TENM1: variants seen among roughly 807,000 people sequenced by gnomAD.
TENM1 encodes the protein teneurin-1.
TENM1 carries 35 observed loss-of-function variants against 174.8 expected under a neutral mutation model. The observed-to-expected ratio is 0.20, with a 90% confidence interval of 0.15 to 0.27. The LOEUF (loss-of-function observed/expected upper bound fraction) is 0.27, where lower values mean the gene tolerates loss of function less well. Among genes scored for constraint, TENM1 ranks in the 10% least tolerant of loss-of-function variants. TENM1 has a pLI of 1.00. For missense variants in TENM1, 1,633 were observed against 2,130.1 expected (o/e 0.77, Z 4.59); for synonymous variants, 781 against 798.7 (o/e 0.98, Z 0.37).
chrX:124,721,297 C>G (rs1382726052), intron 4 of TENM1, among the ~76,000 whole-genome samples: 1 of 111,566 alleles, frequency 9.0e-6, no homozygotes, highest in Non-Finnish European at 1.9e-5. Context: ...ACCTAGAACA[C>G]TTTACAATAA....
chrX:124,633,600 C>A (rs925005796), intron 11 of TENM1, among the ~76,000 whole-genome samples: 3 of 108,829 alleles, frequency 2.8e-5, no homozygotes, highest in Non-Finnish European at 3.8e-5. Flanking sequence ...TCTTAAATTA[C>A]TATATATATA....
intron 2 of TENM1, among the ~76,000 whole-genome samples, chrX:124,895,045 C>T (rs1406110752): frequency 9.0e-6 from 1 of 111,663 alleles, no homozygotes; most frequent in Non-Finnish European, 1.9e-5. Flanking sequence ...GATATTCTAA[C>T]TAGTAGGCAA....
the TENM1 span, among the ~76,000 whole-genome samples, chrX:125,069,946 T>TA: frequency 9.1e-6 from 1 of 110,390 alleles, no homozygotes; most frequent in Non-Finnish European, 1.9e-5. Context: ...ATTGGCCTGG[T>TA]AGCCCATGCC....
the TENM1 span, among the ~76,000 whole-genome samples, chrX:125,110,429 G>A: frequency 9.9e-5 from 11 of 110,982 alleles, no homozygotes; most frequent in African/African-American, 3.3e-4. Flanking sequence ...TCATTCCCAT[G>A]CTTATGGGTA....
chrX:124,816,421 C>T (rs1041146784), intron 3 of TENM1, among the ~76,000 whole-genome samples: 1 of 111,844 alleles, frequency 8.9e-6, no homozygotes. Flanking sequence ...TATCTTTAAG[C>T]ACTTGCTTTT....
rs150115635 is a variant in TENM1, at chrX:124,523,601, G to A, written c.2796C>T (p.Gly932=). The change falls in exon 17 of 32, where the codon GGC becomes GGT. Residue 932 remains glycine, a synonymous_variant. Transcript: ENST00000422452. ...GGTCGAAGATTAAGATGACAGAGATGCCACCGATGGCCACGAGGTCAAAGC... is the reference window on the plus strand; with the variant it reads ...GGTCGAAGATTAAGATGACAGAGATACCACCGATGGCCACGAGGTCAAAGC... 7.7e-5 allele frequency: 93 copies of A among 1,209,507 alleles called. No homozygotes were observed. In the African/African-American group the frequency reaches 1.5e-3, roughly 19 times the overall value.
intron 3 of TENM1, 132 bp downstream of exon 6, chrX:124,894,164 T>C (rs2057521278): frequency 2.1e-6 from 1 of 475,950 alleles, no homozygotes; most frequent in Non-Finnish European, 3.6e-6. Context: ...TGCCACTGTA[T>C]TCTCTGACAG....
the TENM1 span, among the ~76,000 whole-genome samples, chrX:125,002,460 T>C: frequency 0.012 from 1,284 of 111,005 alleles, 19 homozygotes; most frequent in African/African-American, 0.04. Context: ...ATCAGACCTG[T>C]CCTCTAAGAC....
intron 6 of TENM1, among the ~76,000 whole-genome samples, chrX:124,669,859 A>G (rs892995175): frequency 8.9e-6 from 1 of 112,391 alleles, no homozygotes; most frequent in African/African-American, 3.2e-5. Context: ...TCTAAAATCT[A>G]TCACGAATAG....
the TENM1 span, among the ~76,000 whole-genome samples, chrX:125,031,449 G>A: frequency 1.8e-5 from 2 of 111,617 alleles, no homozygotes; most frequent in African/African-American, 3.3e-5. Context: ...CCCCTCAACT[G>A]AAATGTAAAA....
At chrX:124,968,819 G>A in the TENM1 span, among the ~76,000 whole-genome samples, 26 of 111,845 alleles carry the variant, frequency 2.3e-4, no homozygotes, top group African/African-American at 7.8e-4. Flanking sequence ...TCATAACTGT[G>A]ATATTTGTCA....
At chrX:124,553,887 T>C (rs958063320) in intron 14 of TENM1, among the ~76,000 whole-genome samples, 1 of 111,645 alleles carries the variant, frequency 9.0e-6, no homozygotes, top group Non-Finnish European at 1.9e-5. Flanking sequence ...GGCAGATCAC[T>C]TGATGTCAGG....
rs368139581 is a variant in TENM1, at chrX:124,727,664, G to GA, written c.776+9292dup. On this transcript the variant is annotated intron_variant, in intron 4 of 31. Transcript: ENST00000422452. The stretch of plus-strand genomic sequence containing the variant: ...TTGCACATAATTTCATGGATAGAAT[G>GA]AAAAAAACATTCTATAGAAAAGAAG... Among the ~76,000 whole-genome samples the GA allele has an allele frequency of 2.5e-3, 279 of 111,159 alleles. 3 individuals carry two copies. Among genetic ancestry groups the GA allele is most frequent in the African/African-American group, 8.9e-3 (273 of 30,586 alleles).
intron 3 of TENM1, among the ~76,000 whole-genome samples, chrX:124,843,019 A>G (rs1258821963): frequency 2.7e-5 from 3 of 110,619 alleles, no homozygotes; most frequent in Non-Finnish European, 5.7e-5. Flanking sequence ...CTTCTCTCAA[A>G]TCTCAGGTCC....
At chrX:125,076,876 A>G in the TENM1 span, among the ~76,000 whole-genome samples, 2 of 111,138 alleles carry the variant, frequency 1.8e-5, no homozygotes, top group East Asian at 2.9e-4. Context: ...TGTTATCCTT[A>G]TCATACTTAA....
chrX:124,755,050 T>C (rs1274279550), intron 3 of TENM1, among the ~76,000 whole-genome samples: 1 of 101,162 alleles, frequency 9.9e-6, no homozygotes, highest in Non-Finnish European at 1.9e-5. Flanking sequence ...CCTTGTTAAC[T>C]TTCTGTCTCG....
At chrX:124,641,670 C>T (rs1249925628) in intron 11 of TENM1, 121 bp downstream of exon 14, 2 of 618,987 alleles carry the variant, frequency 3.2e-6, no homozygotes, top group Non-Finnish European at 5.2e-6. Flanking sequence ...CTAGGACATA[C>T]CTGGAAACCT....
chrX:124,405,885 G>C (rs1418241126), intron 26 of TENM1, among the ~76,000 whole-genome samples: 2 of 107,730 alleles, frequency 1.9e-5, no homozygotes, highest in Non-Finnish European at 3.8e-5. Flanking sequence ...AATATAATGA[G>C]TTTTTAATTC....
intron 3 of TENM1, among the ~76,000 whole-genome samples, chrX:124,753,700 G>C (rs1164341974): frequency 1.8e-5 from 2 of 111,261 alleles, no homozygotes; most frequent in East Asian, 2.8e-4. Context: ...TAGCATGAAG[G>C]GTTGTTGAAT....
Sources: gnomAD v4.1 joint callset for allele counts (sites outside exome capture counted in the v4.1 genomes callset) on GRCh38, gnomAD v4.1.1 for gene constraint, MANE v1.5 for transcripts, NCBI Gene and HGNC (gene_info 2026-07-23, HGNC 2026-07-21) for gene names.